Variants in NOS1 observed in about 807,000 individuals in gnomAD.
NOS1 encodes NOS type I.
In NOS1, 51 loss-of-function variants were observed where a neutral mutation model predicts 164.5. The ratio of observed to expected loss-of-function variants is 0.31; its 90% confidence interval spans 0.25 to 0.39. The LOEUF (loss-of-function observed/expected upper bound fraction) is 0.39. Ranked by LOEUF, NOS1 falls within the 10% of genes least tolerant of loss-of-function variation. The pLI, the probability that NOS1 is intolerant of heterozygous loss-of-function variation, is 1.00. For synonymous variants in NOS1, 719 were observed against 745.8 expected (o/e 0.96, Z 0.59); for missense variants, 1,362 against 1,885.6 (o/e 0.72, Z 5.14).
intron 3 of NOS1, among the ~76,000 whole-genome samples, chr12:117,304,486 C>A (rs984782540): frequency 5.9e-5 from 9 of 152,156 alleles, no homozygotes; most frequent in Non-Finnish European, 1.3e-4. Context: ...TCTCTCCCCA[C>A]ACACATCCGT....
chr12:117,300,788 T>C (rs1467181990), intron 3 of NOS1, among the ~76,000 whole-genome samples: 1 of 152,042 alleles, frequency 6.6e-6, no homozygotes, highest in Non-Finnish European at 1.5e-5. Context: ...AGCTTAGAAC[T>C]AGGGATTTGG....
intron 28 of NOS1, among the ~76,000 whole-genome samples, chr12:117,215,750 C>G (rs1258474126): frequency 6.6e-6 from 1 of 151,718 alleles, no homozygotes; most frequent in Non-Finnish European, 1.5e-5. Context: ...TTCATTTATT[C>G]TGTAGCCTTA....
At chr12:117,266,700 G>A (rs918855422) in intron 11 of NOS1, among the ~76,000 whole-genome samples, 8 of 151,942 alleles carry the variant, frequency 5.3e-5, no homozygotes, top group Non-Finnish European at 7.4e-5. Flanking sequence ...ACTACTGCCC[G>A]GCTAATTTTT....
chr12:117,247,466 T>C lies in NOS1; in HGVS notation c.2705A>G (p.His902Arg). 3.7e-6 allele frequency: 6 copies of C among 1,613,084 alleles called. No individual in the cohort carries two copies. The highest frequency in any genetic ancestry group is 2.2e-5 in the South Asian group (2 of 90,838). Residue 902 changes from histidine (H) to arginine (R), a missense_variant, in exon 18 of 29, where the codon CAC becomes CGC. Physicochemically the swap from His to Arg is conservative, Grantham distance 29 (BLOSUM62 0). Around this residue, in one of 4 missense-constraint regions of NOS1, gnomAD observed 737 missense variants for 1,030.3 expected, o/e 0.72. Coordinates refer to ENST00000317775, the MANE Select transcript of NOS1 (RefSeq NM_000620.5). ...TTCTTCCAGGAGGGTGTCCACAGCG[T>C]GTCCGAAGGCGCAAAAGTGAGGGTA... ...RAYPHFCAFG[H>R]AVDTLLEELG...
chr12:117,352,176 AATAC>A lies in NOS1; in HGVS notation c.-421+9332_-421+9335del, dbSNP rs71444621. ...TGACAGAGTAAGACGCTGTCTCAGA[AATAC>A]ATACATACATACATACATACATACA... On this transcript the variant is annotated intron_variant, in intron 1 of 28. Coordinates refer to ENST00000317775, the MANE Select transcript of NOS1 (RefSeq NM_000620.5). Among the ~76,000 whole-genome samples, 860 of 149,210 alleles carry A rather than the reference AATAC, an allele frequency of 5.8e-3. 4 individuals are homozygous for A. The highest frequency in any genetic ancestry group is 0.011 in the African/African-American group (454 of 40,554).
intron 13 of NOS1, among the ~76,000 whole-genome samples, chr12:117,261,984 C>T (rs570484109): frequency 2.0e-5 from 3 of 152,240 alleles, no homozygotes; most frequent in East Asian, 3.9e-4. Context: ...TACCCAGGCT[C>T]GACTCCTTAA....
At chr12:117,281,494 TG>T (rs1323580738) in intron 7 of NOS1, among the ~76,000 whole-genome samples, 48 of 108,616 alleles carry the variant, frequency 4.4e-4, no homozygotes, top group Middle Eastern at 0.018. Flanking sequence ...CACTCCAGCC[TG>T]GGCGACAGAG....
chr12:117,305,377 T>C (rs1874084418), intron 3 of NOS1, among the ~76,000 whole-genome samples: 1 of 150,474 alleles, frequency 6.6e-6, no homozygotes, highest in South Asian at 2.1e-4. Flanking sequence ...GGCAGAAGAA[T>C]GGCGTGAACC....
intron 8 of NOS1, among the ~76,000 whole-genome samples, chr12:117,279,129 A>C (rs991214975): frequency 1.1e-4 from 16 of 152,264 alleles, no homozygotes; most frequent in African/African-American, 3.8e-4. Flanking sequence ...CTGTAATCCC[A>C]GCACTTTGGG....
chr12:117,211,357 G>A lies in NOS1; in HGVS notation c.*3952C>T, dbSNP rs985983958. The A allele has an allele frequency of 1.1e-5, 11 of 985,316 alleles. No homozygotes were observed. The highest frequency in any genetic ancestry group is 2.3e-4 in the East Asian group (2 of 8,802). 61.0% of individuals were successfully genotyped at this position (985,316 alleles called of 1,614,324 possible). ...CTGGAGTCTCTTTATCACTACATCC[G>A]CCTCTTCCCTCACTCAAGCCTTGGT... On this transcript the variant is annotated 3_prime_UTR_variant, in exon 29 of 29. Transcript: ENST00000317775.
At chr12:117,255,874 A>T (rs201283457) in intron 16 of NOS1, 3 of 1,013,896 alleles carry the variant, frequency 3.0e-6, no homozygotes, top group Non-Finnish European at 2.7e-6. Flanking sequence ...TGGGATGCTC[A>T]GGCATTGGGT....
At chr12:117,239,794 G>C (rs1199791392) in intron 20 of NOS1, among the ~76,000 whole-genome samples, 1 of 151,928 alleles carries the variant, frequency 6.6e-6, no homozygotes, top group Non-Finnish European at 1.5e-5. Flanking sequence ...CTTTAAGCTT[G>C]AAAATACAGA....
At chr12:117,252,340 T>C (rs1411893019) in intron 17 of NOS1, among the ~76,000 whole-genome samples, 1 of 152,186 alleles carries the variant, frequency 6.6e-6, no homozygotes, top group South Asian at 2.1e-4. Context: ...AAAACCATTA[T>C]TAGCTCATGG....
rs758303840 is a variant in NOS1, at chr12:117,330,807, G to C, written c.263C>G (p.Ala88Gly). The stretch of plus-strand genomic sequence containing the variant: ...AATGAGGACCACGTGGGTCTCAGAG[G>C]CAATGCCTCTGAGTACCTCCAGGGC... ...DSALEVLRGI[A>G]SETHVVLILR... Residue 88 changes from alanine (A) to glycine (G), a missense_variant, in exon 2 of 29, where the codon GCC (alanine) becomes GGC (glycine). Physicochemically the swap from Ala to Gly is moderately conservative, Grantham distance 60 (BLOSUM62 0). Transcript: ENST00000317775. This position sits in a 1 kb window ranked among gnomAD's most constrained non-coding sequence, Gnocchi z 4.6. 6.2e-7 allele frequency: 1 copy of C among 1,614,082 alleles called. No homozygotes were observed. Among genetic ancestry groups the C allele is most frequent in the Non-Finnish European group, 8.5e-7 (1 of 1,180,000 alleles).
At chr12:117,348,696 G>C (rs763189261) in intron 1 of NOS1, among the ~76,000 whole-genome samples, 20 of 152,076 alleles carry the variant, frequency 1.3e-4, no homozygotes, top group Non-Finnish European at 2.6e-4. Flanking sequence ...TTTAAAAAAT[G>C]GCTCCTTGAT....
chr12:117,335,223 G>A lies in NOS1; in HGVS notation c.-420-3734C>T, dbSNP rs536163281. Among the ~76,000 whole-genome samples, 488 of 152,102 alleles carry A rather than the reference G, an allele frequency of 3.2e-3. 2 individuals carry two copies. Among genetic ancestry groups the A allele is most frequent in the African/African-American group, 0.011 (474 of 41,462 alleles). ...CTGTCCAGCCAAAGGTACTTCAGGC[G>A]CCATGTAGAAGGGGGCCCTTCCCTT... On this transcript the variant is annotated intron_variant, in intron 1 of 28. Coordinates refer to ENST00000317775, the MANE Select transcript of NOS1 (RefSeq NM_000620.5).
At chr12:117,299,137 A>T (rs1873623048) in intron 3 of NOS1, among the ~76,000 whole-genome samples, 1 of 152,196 alleles carries the variant, frequency 6.6e-6, no homozygotes, top group African/African-American at 2.4e-5. Context: ...CCGGGCAGCA[A>T]GCATAACCTG....
chr12:117,337,104 C>CTATTTTTTTTTTTTTTTTT lies in NOS1; in HGVS notation c.-420-5616_-420-5615insAAAAAAAAAAAAAAAAATA, dbSNP rs1566082153. On this transcript the variant is annotated intron_variant, in intron 1 of 28. Transcript: ENST00000317775. Reference sequence around the variant, plus strand: ...AGCCACTGTACCCAGCTGCTTTTTACTCTTTTTTTTTTTTTTTTTTTTTTT... The same window carrying CTATTTTTTTTTTTTTTTTT: ...AGCCACTGTACCCAGCTGCTTTTTACTATTTTTTTTTTTTTTTTTTCTTTTTTTTTTTTTTTTTTTTTTT... 1.2e-4 allele frequency among the ~76,000 whole-genome samples: 11 copies of CTATTTTTTTTTTTTTTTTT among 94,074 alleles called. 2 individuals carry two copies. Among genetic ancestry groups the CTATTTTTTTTTTTTTTTTT allele is most frequent in the Non-Finnish European group, 1.0e-4 (5 of 47,796 alleles). The allele number at this position is 94,074 out of a possible 152,430, so 61.7% of individuals were successfully genotyped here.
chr12:117,330,259 A>AG lies in NOS1; in HGVS notation c.725+85dup, dbSNP rs1875460206. On this transcript the variant is annotated intron_variant, in intron 2 of 28. Transcript: ENST00000317775. This position sits in a 1 kb window ranked among gnomAD's most constrained non-coding sequence, Gnocchi z 4.6. Reference sequence around the variant, plus strand: ...AGCCCAGGTTGGCTTCTGGGCTATGAGGCTGAGTCTCAGTAGACGCACATG... The same window carrying AG: ...AGCCCAGGTTGGCTTCTGGGCTATGAGGGCTGAGTCTCAGTAGACGCACATG... The AG allele has an allele frequency of 1.3e-6, 2 of 1,485,318 alleles. No homozygotes were observed. The highest frequency in any genetic ancestry group is 2.8e-5 in the African/African-American group (2 of 71,468). 92.0% of individuals were successfully genotyped at this position (1,485,318 alleles called of 1,614,324 possible).
Sources: allele counts gnomAD v4.1 joint callset (sites outside exome capture counted in the v4.1 genomes callset), GRCh38; gene constraint gnomAD v4.1.1; regional missense constraint gnomAD v4.1.1; non-coding constraint Gnocchi (gnomAD v3.1); transcripts MANE v1.5; gene names NCBI Gene and HGNC (gene_info 2026-07-23, HGNC 2026-07-21).